MOCOS: variants seen among roughly 807,000 people sequenced by gnomAD.
MOCOS encodes the protein human molybdenum cofactor sulfurase.
A neutral mutation model predicts 83.6 loss-of-function variants in MOCOS; 86 were observed. The ratio of observed to expected loss-of-function variants is 1.03; its 90% confidence interval spans 0.86 to 1.23. The LOEUF is 1.23. MOCOS is among the 50% of genes most tolerant of loss of function. The probability of loss-of-function intolerance (pLI) is 0.00; values close to 1 mark genes in which losing one functional copy is unlikely to be tolerated. For missense variants in MOCOS, 1,120 were observed against 1,126.9 expected (o/e 0.99, Z 0.09); for synonymous variants, 445 against 434.7 (o/e 1.02, Z -0.29).
chr18:36,245,225 G>A (rs951632874), intron 9 of MOCOS, among the ~76,000 whole-genome samples: 1 of 152,052 alleles, frequency 6.6e-6, no homozygotes, highest in Admixed American at 6.5e-5. Flanking sequence ...AGCTGTGTGA[G>A]CTTTATGCTT....
At chr18:36,208,154 G>A (rs1290782512) in intron 6 of MOCOS, among the ~76,000 whole-genome samples, 1 of 152,070 alleles carries the variant, frequency 6.6e-6, no homozygotes, top group Admixed American at 6.6e-5. Context: ...TTGAATTTAT[G>A]TGTCTGTTTT....
intron 8 of MOCOS, among the ~76,000 whole-genome samples, chr18:36,217,353 T>A (rs975607023): frequency 6.6e-6 from 1 of 152,222 alleles, no homozygotes; most frequent in Non-Finnish European, 1.5e-5. Context: ...TATTTAAGCT[T>A]AAAGTATATT....
At position 36,220,087 on chromosome 18, in the gene MOCOS, G is replaced by C. The variant is rs1417644634; in HGVS notation, c.1830G>C (p.Leu610=). ...VTRWPVGNQG[L]LYDRSWMVVN... is the part of the protein sequence containing the mutation. ...GGTGGCCTGTAGGAAACCAAGGGCTGCTATATGACCGGAGCTGGATGGTTG... is the reference window on the plus strand; with the variant it reads ...GGTGGCCTGTAGGAAACCAAGGGCTCCTATATGACCGGAGCTGGATGGTTG... The change falls in exon 9 of 15, where the codon CTG becomes CTC. Residue 610 remains leucine, a synonymous_variant. Coordinates refer to ENST00000261326, the MANE Select transcript of MOCOS (RefSeq NM_017947.4). 6.2e-7 allele frequency: 1 copy of C among 1,613,552 alleles called. No individual in the cohort carries two copies. Among genetic ancestry groups the C allele is most frequent in the African/African-American group, 1.3e-5 (1 of 74,898 alleles).
intron 6 of MOCOS, among the ~76,000 whole-genome samples, chr18:36,206,541 C>T (rs113786317): frequency 6.6e-6 from 1 of 151,900 alleles, no homozygotes; most frequent in African/African-American, 2.4e-5. Flanking sequence ...CCACTGTGCC[C>T]GGCGTTCTTC....
At chr18:36,193,317 C>CAAAAAAAAAAAAAAAAAAAA (rs555145311) in intron 1 of MOCOS, among the ~76,000 whole-genome samples, 3 of 38,310 alleles carry the variant, frequency 7.8e-5, no homozygotes, top group African/African-American at 3.1e-4. Flanking sequence ...GACTCCGTCT[C>CAAAAAAAAAAAAAAAAAAAA]AAAAAAAAAA....
intron 9 of MOCOS, among the ~76,000 whole-genome samples, chr18:36,247,388 T>C (rs992773645): frequency 7.9e-5 from 12 of 152,238 alleles, no homozygotes; most frequent in Non-Finnish European, 5.9e-5. Context: ...TTGTCTCCTC[T>C]TCTGCATTCT....
At chr18:36,219,168 T>TTTA (rs1045510701) in intron 8 of MOCOS, among the ~76,000 whole-genome samples, 1 of 150,800 alleles carries the variant, frequency 6.6e-6, no homozygotes, top group Admixed American at 6.6e-5. Context: ...TGCCTGGCTA[T>TTTA]TTATTATTAT....
rs1259056092 is a variant in MOCOS at position 36,203,134 on chromosome 18, A to G, written c.963A>G (p.Ser321=). ...VAQRFEDGTI[S]FLDVIALKHG... is the part of the protein sequence containing the mutation. ...ATAGGTTTGAAGATGGCACCATCTC[A>G]TTCCTTGATGTTATCGCGCTAAAAC... Residue 321 remains serine (S), a synonymous_variant, in exon 5 of 15, where the codon TCA becomes TCG. Transcript: ENST00000261326. 1.9e-6 allele frequency: 3 copies of G among 1,614,008 alleles called. No homozygotes were observed. The highest frequency in any genetic ancestry group is 2.7e-5 in the African/African-American group (2 of 74,930).
chr18:36,212,963 A>G (rs2091460643), intron 6 of MOCOS, among the ~76,000 whole-genome samples: 1 of 152,206 alleles, frequency 6.6e-6, no homozygotes, highest in Non-Finnish European at 1.5e-5. Flanking sequence ...CAGAGCCTTC[A>G]GAGGGCAGGA....
intron 9 of MOCOS, among the ~76,000 whole-genome samples, chr18:36,243,167 T>C (rs1383434994): frequency 6.6e-6 from 1 of 152,166 alleles, no homozygotes; most frequent in Non-Finnish European, 1.5e-5. Context: ...ATCTGGGAGC[T>C]TTTTGGATGA....
At position 36,264,186 on chromosome 18, in the gene MOCOS, A is replaced by G. The variant is rs562213772; in HGVS notation, c.2410-2563A>G. On this transcript the variant is annotated intron_variant, in intron 13 of 14. Coordinates refer to ENST00000261326, the MANE Select transcript of MOCOS (RefSeq NM_017947.4). ...AAGAGTGAAACTTCACCTCACAAAG[A>G]AAAAAAAAGGTAAAAGAAAATAGTG... Among the ~76,000 whole-genome samples, 8 of 151,678 alleles carry G rather than the reference A, an allele frequency of 5.3e-5. No homozygotes were observed. The South Asian group carries it at 1.7e-3, about 32-fold the overall frequency.
At chr18:36,230,577 C>T (rs539662809) in intron 9 of MOCOS, among the ~76,000 whole-genome samples, 1 of 152,208 alleles carries the variant, frequency 6.6e-6, no homozygotes, top group Non-Finnish European at 1.5e-5. Context: ...GCTCAAGATG[C>T]TACCTCCATT....
At chr18:36,193,074 G>A (rs1241459671) in intron 1 of MOCOS, among the ~76,000 whole-genome samples, 1 of 151,678 alleles carries the variant, frequency 6.6e-6, no homozygotes, top group Non-Finnish European at 1.5e-5. Context: ...CACTTTGGGA[G>A]GCTGAGGCGG....
chr18:36,240,670 G>A (rs938381765), intron 9 of MOCOS, among the ~76,000 whole-genome samples: 3 of 152,120 alleles, frequency 2.0e-5, no homozygotes, highest in East Asian at 1.9e-4. Context: ...CACCCAGTTC[G>A]AGCTTCCCAG....
Position 36,205,087 on chromosome 18 carries a change from G to T in MOCOS, c.1029G>T (p.Glu343Asp). ...DTLERLTGGM[E>D]NIKQHTFTLA... ...CATGATTGATTTGAGGTGGAATGGA[G>T]AATATAAAGCAGCACACCTTCACCT... The change falls in exon 6 of 15, where the codon GAG becomes GAT. Residue 343 changes from glutamate to aspartate, a missense_variant. Physicochemically the swap from Glu to Asp is conservative, Grantham distance 45. Transcript: ENST00000261326. 6.2e-7 allele frequency: 1 copy of T among 1,605,516 alleles called. No individual in the cohort carries two copies. Among genetic ancestry groups the T allele is most frequent in the Non-Finnish European group, 8.5e-7 (1 of 1,174,788 alleles).
At position 36,233,791 on chromosome 18, in the gene MOCOS, T is replaced by C. The variant is rs529632835; in HGVS notation, c.1960+13574T>C. Among the ~76,000 whole-genome samples, 3 of 152,368 alleles carry C rather than the reference T, an allele frequency of 2.0e-5. No individual in the cohort carries two copies. The East Asian group carries it at 5.8e-4, about 29-fold the overall frequency. ...TTTGCATTTCCCTGATAATTAGTAA[T>C]GATGAGCATTTTCTCATGTTTGTTG... On this transcript the variant is annotated intron_variant, in intron 9 of 14. Transcript: ENST00000261326.
chr18:36,205,018 A>AAATT, intron 5 of MOCOS, 59 bp from the exon 6 acceptor site: 1 of 1,068,980 alleles, frequency 9.4e-7, no homozygotes, highest in Non-Finnish European at 1.4e-6. Flanking sequence ...AAAAAAAAAG[A>AAATT]GTGAATTGAG....
At chr18:36,208,223 T>C (rs1169974253) in intron 6 of MOCOS, among the ~76,000 whole-genome samples, 1 of 152,250 alleles carries the variant, frequency 6.6e-6, no homozygotes, top group Admixed American at 6.5e-5. Flanking sequence ...TGATGTCATG[T>C]AGTGTGATGC....
At chr18:36,216,846 C>A (rs2091477610) in intron 8 of MOCOS, among the ~76,000 whole-genome samples, 1 of 152,182 alleles carries the variant, frequency 6.6e-6, no homozygotes, top group Admixed American at 6.5e-5. Context: ...AAGTTGACAT[C>A]ACCAACATTG....
Sources: gnomAD v4.1 joint callset for allele counts (sites outside exome capture counted in the v4.1 genomes callset) on GRCh38, gnomAD v4.1.1 for gene constraint, MANE v1.5 for transcripts, NCBI Gene and HGNC (gene_info 2026-07-23, HGNC 2026-07-21) for gene names.